Variants in TNRC6A observed in about 807,000 individuals in gnomAD.
The protein encoded by TNRC6A is trinucleotide repeat-containing gene 6A protein.
Under a neutral mutation model 221.2 loss-of-function variants are expected in TNRC6A, and 44 were observed. The ratio of observed to expected loss-of-function variants is 0.20; its 90% CI spans 0.16 to 0.26. The LOEUF is 0.26. TNRC6A is among the 10% of genes least tolerant of loss of function. The pLI, the probability that TNRC6A is intolerant of heterozygous loss-of-function variation, is 1.00. For missense variants in TNRC6A, 2,199 were observed against 2,404.4 expected (o/e 0.91, Z 1.79); for synonymous variants, 847 against 838.5 (o/e 1.01, Z -0.18).
At chr16:24,708,244 G>GTTTT (rs778579144) in intron 2 of TNRC6A, among the ~76,000 whole-genome samples, 1 of 138,512 alleles carries the variant, frequency 7.2e-6, no homozygotes, top group African/African-American at 2.7e-5. Context: ...ACATGGATGA[G>GTTTT]TTTTTTTTTT....
At chr16:24,807,891 G>A (rs899725462) in intron 17 of TNRC6A, among the ~76,000 whole-genome samples, 2 of 152,096 alleles carry the variant, frequency 1.3e-5, no homozygotes, top group Non-Finnish European at 2.9e-5. Context: ...AGTTGTTCTG[G>A]GCTGTGGGCA....
chr16:24,786,842 C>T (rs1464154238), intron 5 of TNRC6A, among the ~76,000 whole-genome samples: 1 of 152,030 alleles, frequency 6.6e-6, no homozygotes, highest in Admixed American at 6.5e-5. Context: ...CCACCACGTC[C>T]GGCTCATTTT....
At chr16:24,794,182 A>G (rs1406013577) in intron 7 of TNRC6A, among the ~76,000 whole-genome samples, 4 of 152,156 alleles carry the variant, frequency 2.6e-5, no homozygotes. Context: ...CATTCTCCCT[A>G]AAAATATATA....
chr16:24,817,017 T>TGTA, intron 20 of TNRC6A, 61 bp downstream of exon 20: 5 of 1,526,234 alleles, frequency 3.3e-6, no homozygotes, highest in Non-Finnish European at 4.4e-6. Context: ...GAATGGCTCA[T>TGTA]GTAGTACCCA....
chr16:24,784,017 G>A (rs2057911252), intron 5 of TNRC6A, among the ~76,000 whole-genome samples: 1 of 152,126 alleles, frequency 6.6e-6, no homozygotes, highest in Admixed American at 6.6e-5. Context: ...GTTGTTTTGA[G>A]ATGGAGTTTC....
At chr16:24,783,566 A>G (rs1407660854) in intron 5 of TNRC6A, among the ~76,000 whole-genome samples, 2 of 151,322 alleles carry the variant, frequency 1.3e-5, no homozygotes, top group Non-Finnish European at 1.5e-5. Context: ...AGGTGATCAC[A>G]CTTCTGTGGG....
At chr16:24,747,518 A>G (rs2057038691) in intron 2 of TNRC6A, among the ~76,000 whole-genome samples, 1 of 152,228 alleles carries the variant, frequency 6.6e-6, no homozygotes, top group African/African-American at 2.4e-5. Context: ...AGGCCTTTCA[A>G]ATCCATCAGT....
chr16:24,706,678 C>T (rs1352508407), intron 2 of TNRC6A, among the ~76,000 whole-genome samples: 3 of 127,864 alleles, frequency 2.3e-5, no homozygotes, highest in African/African-American at 6.0e-5. Context: ...GGTGACAGAG[C>T]GAGACTCTGT....
intron 2 of TNRC6A, among the ~76,000 whole-genome samples, chr16:24,695,227 T>C (rs2055833923): frequency 6.6e-6 from 1 of 151,940 alleles, no homozygotes; most frequent in African/African-American, 2.4e-5. Flanking sequence ...GAGCCAGTGG[T>C]GGGAAGGAAA....
At chr16:24,650,847 A>G (rs1902602750) in intron 2 of TNRC6A, among the ~76,000 whole-genome samples, 1 of 152,138 alleles carries the variant, frequency 6.6e-6, no homozygotes, top group Non-Finnish European at 1.5e-5. Flanking sequence ...ACCAAAGCAA[A>G]ATTAAACTTA....
At position 24,809,449 on chromosome 16, in the gene TNRC6A, A is replaced by C; in HGVS notation, c.4640A>C (p.Asn1547Thr). Residue 1547 changes from asparagine (N) to threonine (T), a missense_variant, in exon 18 of 25, where the codon AAC becomes ACC. Physicochemically the swap from Asn to Thr is moderately conservative, Grantham distance 65. This residue lies in a region of TNRC6A where 449 missense variants were observed against 579.7 expected (regional missense o/e 0.77). Transcript: ENST00000395799. ...KWTTVDSISV[N>T]TSLDQNSSKH... ...ACGACAGTGGACAGCATTTCTGTGA[A>C]CACATCTTTGGATCAAAACTCCAGC... The C allele has an allele frequency of 6.3e-7, 1 of 1,592,548 alleles. No homozygotes were observed. Among genetic ancestry groups the C allele is most frequent in the East Asian group, 2.2e-5 (1 of 44,706 alleles).
intron 18 of TNRC6A, 145 bp from the exon 19 acceptor site, chr16:24,815,002 A>G (rs772066797): frequency 2.5e-5 from 21 of 840,952 alleles, no homozygotes; most frequent in Non-Finnish European, 3.8e-5. Context: ...CGATGTTAGA[A>G]TCTCAATATA....
intron 2 of TNRC6A, among the ~76,000 whole-genome samples, chr16:24,719,919 A>G (rs73548933): frequency 0.1 from 15,441 of 151,796 alleles, 1,809 homozygotes; most frequent in East Asian, 0.36. Context: ...GGTGTAGAGG[A>G]TGTCTTTAGA....
chr16:24,794,850 C>T (rs2058185743), intron 8 of TNRC6A, 131 bp downstream of exon 8: 1 of 699,500 alleles, frequency 1.4e-6, no homozygotes, highest in African/African-American at 1.8e-5. Flanking sequence ...TAGGTATAGC[C>T]ACTTGTATGG....
chr16:24,809,782 T>C (rs906894351), intron 18 of TNRC6A, among the ~76,000 whole-genome samples: 1 of 152,214 alleles, frequency 6.6e-6, no homozygotes, highest in Non-Finnish European at 1.5e-5. Context: ...ATTACACTTA[T>C]TAACATTTAC....
chr16:24,796,707 C>T (rs2058226501), intron 9 of TNRC6A, among the ~76,000 whole-genome samples: 1 of 151,154 alleles, frequency 6.6e-6, no homozygotes, highest in African/African-American at 2.4e-5. Context: ...TTCTGTTCCA[C>T]AGTCAGAAGG....
At chr16:24,637,195 G>T (rs746767899) in intron 1 of TNRC6A, among the ~76,000 whole-genome samples, 1 of 152,078 alleles carries the variant, frequency 6.6e-6, no homozygotes, top group Non-Finnish European at 1.5e-5. Context: ...ACCATACCTG[G>T]CTAGTTTTAA....
intron 9 of TNRC6A, 140 bp from the exon 10 acceptor site, chr16:24,797,350 C>T: frequency 1.8e-6 from 1 of 569,734 alleles, no homozygotes; most frequent in South Asian, 3.0e-5. Context: ...TTATTAACAA[C>T]TCTGATAAGA....
intron 2 of TNRC6A, among the ~76,000 whole-genome samples, chr16:24,710,884 T>G (rs1021048768): frequency 1.3e-5 from 2 of 150,972 alleles, no homozygotes; most frequent in Non-Finnish European, 2.9e-5. Flanking sequence ...GGCTAATTTT[T>G]TTTTTTTTTT....
Sources: gnomAD v4.1 joint callset for allele counts (sites outside exome capture counted in the v4.1 genomes callset) on GRCh38, gnomAD v4.1.1 for gene constraint, gnomAD v4.1.1 regional missense constraint, MANE v1.5 for transcripts, NCBI Gene and HGNC (gene_info 2026-07-23, HGNC 2026-07-21) for gene names.